Variants in CCDC102B observed in about 807,000 individuals in gnomAD.
CCDC102B encodes the protein coiled-coil domain containing 102B, also known as coiled-coil domain-containing protein 102B.
CCDC102B carries 75 observed loss-of-function variants against 57.4 expected under a neutral mutation model. That is an observed-to-expected ratio of 1.31 (90% CI 1.08 to 1.58). The LOEUF (loss-of-function observed/expected upper bound fraction) is 1.58, where lower values mean the gene tolerates loss of function less well. Among genes scored for constraint, CCDC102B ranks in the 40% most tolerant of loss-of-function variants. The probability of loss-of-function intolerance (pLI) is 0.00; values close to 1 mark genes in which losing one functional copy is unlikely to be tolerated. For synonymous variants in CCDC102B, 206 were observed against 201.9 expected, an observed-to-expected ratio of 1.02 and a Z score of -0.17; for missense variants, 636 against 582.6, an observed-to-expected ratio of 1.09 and a Z score of -0.94.
chr18:69,040,433 T>TGTGA (rs1291257774), intron 7 of CCDC102B, among the ~76,000 whole-genome samples: 5 of 140,214 alleles, frequency 3.6e-5, no homozygotes, highest in African/African-American at 1.3e-4. Context: ...TGTGTGTGTG[T>TGTGA]GAGATGGCTT....
intron 2 of CCDC102B, chr18:68,721,426 A>G (rs1235570465): frequency 6.6e-6 from 1 of 152,058 alleles, no homozygotes; most frequent in Non-Finnish European, 1.5e-5. Context: ...CTGACTTCTG[A>G]CAGGTCAGAT....
At chr18:68,924,886 AG>A in intron 6 of CCDC102B, among the ~76,000 whole-genome samples, 1 of 152,168 alleles carries the variant, frequency 6.6e-6, no homozygotes, top group East Asian at 1.9e-4. Flanking sequence ...CCAGAGTCCC[AG>A]GGGGCTAGTT....
intron 7 of CCDC102B, among the ~76,000 whole-genome samples, chr18:69,042,472 T>C (rs2052457722): frequency 6.6e-6 from 1 of 152,072 alleles, no homozygotes; most frequent in South Asian, 2.1e-4. Flanking sequence ...TACCACCATG[T>C]CTCACTGGAC....
intron 6 of CCDC102B, among the ~76,000 whole-genome samples, chr18:68,910,918 A>T (rs200060730): frequency 3.2e-5 from 1 of 31,192 alleles, no homozygotes; most frequent in Non-Finnish European, 7.2e-5. Context: ...GTTACTAAAA[A>T]GGGGGAAAAA....
At chr18:68,768,194 A>G (rs1295699312) in intron 2 of CCDC102B, among the ~76,000 whole-genome samples, 1 of 152,244 alleles carries the variant, frequency 6.6e-6, no homozygotes, top group Non-Finnish European at 1.5e-5. Flanking sequence ...GTTGCATAAT[A>G]GGAATTATTA....
intron 2 of CCDC102B, among the ~76,000 whole-genome samples, chr18:68,731,705 A>C (rs543583412): frequency 6.9e-6 from 1 of 144,170 alleles, no homozygotes; most frequent in South Asian, 2.1e-4. Context: ...ATGTGTGTAT[A>C]TAATATAATA....
In CCDC102B at chr18:68,876,282, C is replaced by T. The variant is rs558925880; in HGVS notation, c.1053+1497C>T. ...CAATGGTGTGGGATGTAGAAATGGA[C>T]TTGCCTTCAGAGAACAGCCTTCAGT... On this transcript the variant is annotated intron_variant, in intron 5 of 7. Coordinates refer to ENST00000360242, the MANE Select transcript of CCDC102B (RefSeq NM_024781.3). Among the ~76,000 whole-genome samples the T allele has an allele frequency of 6.6e-5, 10 of 152,264 alleles. No individual in the cohort carries two copies. The South Asian group carries it at 8.3e-4, about 13-fold the overall frequency.
upstream of CCDC102B, among the ~76,000 whole-genome samples, chr18:68,793,099 T>G (rs1349118966): frequency 6.6e-6 from 1 of 152,188 alleles, no homozygotes; most frequent in African/African-American, 2.4e-5. Context: ...AAGAGTGCAT[T>G]TGGAACACCA....
At chr18:68,809,853 G>A (rs2036177523) in intron 1 of CCDC102B, among the ~76,000 whole-genome samples, 2 of 152,154 alleles carry the variant, frequency 1.3e-5, no homozygotes, top group East Asian at 3.8e-4. Flanking sequence ...ATACATGTGT[G>A]AATGTTTATA....
intron 4 of CCDC102B, among the ~76,000 whole-genome samples, chr18:68,862,897 A>C (rs2038823226): frequency 6.6e-6 from 1 of 152,088 alleles, no homozygotes; most frequent in South Asian, 2.1e-4. Context: ...TCTCATGAAC[A>C]GTACTTTTTG....
chr18:68,874,602 A>T, intron 4 of CCDC102B, 67 bp from the exon 5 acceptor site: 1 of 925,740 alleles, frequency 1.1e-6, no homozygotes, highest in Non-Finnish European at 1.7e-6. Flanking sequence ...ATGAAGGACT[A>T]ATGTGGATTA....
chr18:68,761,665 A>G (rs1348110759), intron 2 of CCDC102B, among the ~76,000 whole-genome samples: 4 of 152,098 alleles, frequency 2.6e-5, no homozygotes, highest in African/African-American at 7.2e-5. Context: ...TTTGGATATT[A>G]TATAACTACA....
intron 4 of CCDC102B, among the ~76,000 whole-genome samples, chr18:68,861,297 GT>G (rs34605846): frequency 0.34 from 51,376 of 149,596 alleles, 9,660 homozygotes; most frequent in African/African-American, 0.5. Context: ...CAGTTTAAAT[GT>G]TTTTTTTTTC....
At position 68,836,942 on chromosome 18, in the gene CCDC102B, A is replaced by G; in HGVS notation, c.179A>G (p.His60Arg). 1 of 1,614,056 alleles carries G rather than the reference A, an allele frequency of 6.2e-7. No homozygotes were observed. The highest frequency in any genetic ancestry group is 1.1e-5 in the South Asian group (1 of 91,086). The part of the protein sequence containing the change: ...QSHAAHNFCA[H>R]SYNTNKWDIC... The stretch of plus-strand genomic sequence containing the variant: ...CATGCTGCTCACAATTTCTGTGCTC[A>G]CTCATATAACACCAACAAATGGGAT... Residue 60 changes from histidine to arginine, a missense_variant, in exon 2 of 8, where the codon CAC (histidine) becomes CGC (arginine). Coordinates refer to ENST00000360242, the MANE Select transcript of CCDC102B (RefSeq NM_024781.3).
At chr18:69,025,495 G>C (rs947542365) in intron 7 of CCDC102B, among the ~76,000 whole-genome samples, 1 of 152,148 alleles carries the variant, frequency 6.6e-6, no homozygotes, top group Non-Finnish European at 1.5e-5. Context: ...CTGCATGTGC[G>C]TGTAAGCTAT....
At chr18:68,911,706 C>T (rs550367015) in intron 6 of CCDC102B, among the ~76,000 whole-genome samples, 11 of 121,578 alleles carry the variant, frequency 9.0e-5, no homozygotes, top group South Asian at 5.7e-4. Flanking sequence ...GAGCCGAGAT[C>T]GCGCCACTGC....
intron 1 of CCDC102B, among the ~76,000 whole-genome samples, chr18:68,836,534 A>G (rs998680398): frequency 6.6e-6 from 1 of 151,320 alleles, no homozygotes; most frequent in African/African-American, 2.4e-5. Flanking sequence ...AGACTGAGGC[A>G]AGGGAATCGC....
At chr18:68,914,393 A>C (rs1473840229) in intron 6 of CCDC102B, among the ~76,000 whole-genome samples, 1 of 152,160 alleles carries the variant, frequency 6.6e-6, no homozygotes, top group Admixed American at 6.5e-5. Flanking sequence ...TGGTACCCTG[A>C]GCTGCTGGGA....
chr18:68,789,429 C>T (rs1413020008), intron 2 of CCDC102B, among the ~76,000 whole-genome samples: 7 of 152,142 alleles, frequency 4.6e-5, no homozygotes, highest in Non-Finnish European at 1.0e-4. Context: ...GAGTGTTTTC[C>T]AACTTGGTTT....
Sources: allele counts gnomAD v4.1 joint callset (sites outside exome capture counted in the v4.1 genomes callset), GRCh38; gene constraint gnomAD v4.1.1; transcripts MANE v1.5; gene names NCBI Gene and HGNC (gene_info 2026-07-23, HGNC 2026-07-21).